Variants in MCF2 observed in about 807,000 individuals in gnomAD.
The protein encoded by MCF2 is MCF.2 cell line derived transforming sequence.
Under a neutral mutation model 82.5 loss-of-function variants are expected in MCF2, and 44 were observed. The ratio of observed to expected loss-of-function variants is 0.53; its 90% confidence interval spans 0.42 to 0.69. The LOEUF is 0.69. Ranked by LOEUF, MCF2 falls within the 30% of genes least tolerant of loss-of-function variation. The pLI is 0.00. For synonymous variants in MCF2, 217 were observed against 224.9 expected (o/e 0.96, Z 0.32); for missense variants, 623 against 663.1 (o/e 0.94, Z 0.66).
At chrX:139,606,041 T>A (rs1930982103) in intron 12 of MCF2, among the ~76,000 whole-genome samples, 1 of 99,176 alleles carries the variant, frequency 1.0e-5, no homozygotes, top group African/African-American at 3.6e-5. Flanking sequence ...ATATCCCGCT[T>A]TCTTTCATAT....
At chrX:139,613,293 T>C (rs969632345) in intron 10 of MCF2, 30 bp from the exon 14 acceptor site, 2 of 1,064,075 alleles carry the variant, frequency 1.9e-6, no homozygotes, top group Non-Finnish European at 2.5e-6. Flanking sequence ...CGCCATTAAA[T>C]AAGAATATCA....
chrX:139,658,287 G>A (rs1603302088), intron 1 of MCF2, among the ~76,000 whole-genome samples: 1 of 110,940 alleles, frequency 9.0e-6, no homozygotes, highest in East Asian at 2.8e-4. Context: ...AGAGATTGGG[G>A]ACTTAAGTGA....
intron 1 of MCF2, among the ~76,000 whole-genome samples, chrX:139,654,857 C>T (rs895308629): frequency 8.9e-6 from 1 of 112,102 alleles, no homozygotes. Flanking sequence ...CATTCTTCCA[C>T]ATACAGTTAT....
intron 4 of MCF2, 142 bp downstream of exon 7, chrX:139,629,553 T>C (rs1283879618): frequency 2.1e-6 from 1 of 472,241 alleles, no homozygotes; most frequent in Non-Finnish European, 3.4e-6. Context: ...TTATAAAGTA[T>C]AATTTTTTTT....
At chrX:139,649,043 C>A (rs938705558) in intron 2 of MCF2, among the ~76,000 whole-genome samples, 8 of 112,093 alleles carry the variant, frequency 7.1e-5, no homozygotes, top group African/African-American at 2.6e-4. Flanking sequence ...CAGTCTCAAC[C>A]AACATGACCT....
chrX:139,627,165 C>A (rs1334121511), intron 4 of MCF2, among the ~76,000 whole-genome samples: 1 of 111,517 alleles, frequency 9.0e-6, no homozygotes, highest in Admixed American at 9.6e-5. Flanking sequence ...CTCCTGGGCT[C>A]AAGCAATTCT....
At chrX:139,683,225 C>T (rs1045310012) in intron 1 of MCF2, among the ~76,000 whole-genome samples, 8 of 112,871 alleles carry the variant, frequency 7.1e-5, no homozygotes, top group Middle Eastern at 4.6e-3. Context: ...AGAGCCACCG[C>T]GCCCAGCCAT....
chrX:139,582,654 C>A, intron 24 of MCF2, 151 bp from the exon 29 acceptor site: 1 of 389,835 alleles, frequency 2.6e-6, no homozygotes, highest in East Asian at 4.1e-5. Context: ...CTTAGTAGCA[C>A]ATCTCAGAGA....
intron 1 of MCF2, among the ~76,000 whole-genome samples, chrX:139,642,223 C>G (rs1188725406): frequency 8.9e-6 from 1 of 112,044 alleles, no homozygotes; most frequent in Admixed American, 9.5e-5. Flanking sequence ...GACTAAGGTG[C>G]TCATTCATAA....
At chrX:139,629,746 G>A in exon 4 of MCF2, 6 of 1,204,894 alleles carry the variant, frequency 5.0e-6, no homozygotes, top group Non-Finnish European at 6.7e-6. Flanking sequence ...CTTCTATTGA[G>A]GGAATATCAT....
At chrX:139,698,852 C>T (rs1186368441) in intron 1 of MCF2, among the ~76,000 whole-genome samples, 2 of 111,884 alleles carry the variant, frequency 1.8e-5, no homozygotes, top group Non-Finnish European at 3.8e-5. Flanking sequence ...TATACAGTTG[C>T]TGTTACTACT....
At chrX:139,629,890 G>A in intron 3 of MCF2, 46 bp from the exon 7 acceptor site, 3 of 1,093,472 alleles carry the variant, frequency 2.7e-6, no homozygotes, top group South Asian at 2.0e-5. Flanking sequence ...CACTCTGTGA[G>A]CATATCAAAA....
In MCF2 at chrX:139,628,328, A is replaced by G. The variant is rs777339908; in HGVS notation, c.438+1367T>C. 2.7e-5 allele frequency among the ~76,000 whole-genome samples: 3 copies of G among 112,098 alleles called. No individual in the cohort carries two copies. The Admixed American group carries it at 2.8e-4, about 11-fold the overall frequency. On this transcript the variant is annotated intron_variant, in intron 4 of 24. Coordinates refer to ENST00000370576, the Ensembl canonical transcript of MCF2. ...ACGAGATCATGTCCTCTGCAGCAAC[A>G]TGGATGCAGCTGTAGGCCATTATCC... is the stretch of plus-strand genomic sequence containing the variant.
rs773755282 is a variant in MCF2 at position 139,681,259 on chromosome X, C to T, written c.-45+26847G>A. ...AAATGAAGACGTGATGACCAGAGAA[C>T]TCTCAGTATCCTTGAATGTAAAGAA... On this transcript the variant is annotated intron_variant, in intron 1 of 27. Transcript: ENST00000414978. Among the ~76,000 whole-genome samples the T allele has an allele frequency of 6.2e-5, 7 of 112,452 alleles. No homozygotes were observed. In the East Asian group the frequency reaches 1.9e-3, roughly 31 times the overall value.
At chrX:139,604,548 T>TG in intron 15 of MCF2, 133 bp downstream of exon 19, 1 of 380,910 alleles carries the variant, frequency 2.6e-6, no homozygotes, top group Non-Finnish European at 4.5e-6. Flanking sequence ...ATTAAATACT[T>TG]GCTGGAGTAA....
intron 1 of MCF2, among the ~76,000 whole-genome samples, chrX:139,658,900 TC>T: frequency 9.1e-6 from 1 of 110,013 alleles, no homozygotes; most frequent in East Asian, 2.9e-4. Context: ...TCCAGGCTGG[TC>T]TCGAACTCTG....
chrX:139,707,689 A>G lies in MCF2; in HGVS notation c.-45+417T>C, dbSNP rs767611649. On this transcript the variant is annotated intron_variant, in intron 1 of 27. Coordinates refer to the MCF2 transcript ENST00000414978. Reference sequence around the variant, plus strand: ...AGAGACTGAGGCCCATACATTGCATAGGAACCACACCAAGGTACAGCCATC... The same window carrying G: ...AGAGACTGAGGCCCATACATTGCATGGGAACCACACCAAGGTACAGCCATC... Among the ~76,000 whole-genome samples the G allele has an allele frequency of 1.8e-4, 20 of 112,087 alleles. No homozygotes were observed. In the South Asian group the frequency reaches 3.0e-3, roughly 17 times the overall value.
intron 4 of MCF2, among the ~76,000 whole-genome samples, chrX:139,628,447 C>T (rs925011380): frequency 9.0e-6 from 1 of 111,054 alleles, no homozygotes; most frequent in Non-Finnish European, 1.9e-5. Context: ...AAGATGGGAA[C>T]AATAGACAGT....
At chrX:139,686,039 G>A (rs1437934443) in intron 1 of MCF2, among the ~76,000 whole-genome samples, 1 of 95,818 alleles carries the variant, frequency 1.0e-5, no homozygotes, top group Non-Finnish European at 2.1e-5. Context: ...TGCAGAAAAG[G>A]CTTTTGACAA....
Sources: gnomAD v4.1 joint callset for allele counts (sites outside exome capture counted in the v4.1 genomes callset) on GRCh38, gnomAD v4.1.1 for gene constraint, MANE v1.5 for transcripts, NCBI Gene and HGNC (gene_info 2026-07-23, HGNC 2026-07-21) for gene names.